The following LINC00305 variants were observed in gnomAD, a reference collection of about 807,000 sequenced individuals.
The protein encoded by LINC00305 is long independently transcribed non-coding RNA 305.
chr18:64,097,402 T>C (rs1368792529), intron 3 of LINC00305, among the ~76,000 whole-genome samples: 1 of 152,174 alleles, frequency 6.6e-6, no homozygotes, highest in Non-Finnish European at 1.5e-5. Context: ...AAGCAGCTTA[T>C]AATTACTACT....
chr18:64,114,447 T>G (rs2051329008), intron 1 of LINC00305, among the ~76,000 whole-genome samples: 1 of 152,158 alleles, frequency 6.6e-6, no homozygotes, highest in African/African-American at 2.4e-5. Flanking sequence ...GTCAGGAGGA[T>G]TCTGGTTTGA....
At chr18:64,136,346 A>C (rs1048583266) in intron 1 of LINC00305, among the ~76,000 whole-genome samples, 4 of 152,192 alleles carry the variant, frequency 2.6e-5, no homozygotes, top group African/African-American at 9.7e-5. Flanking sequence ...TATAAAGGAA[A>C]GAGGTTTAAT....
intron 1 of LINC00305, among the ~76,000 whole-genome samples, chr18:64,139,875 A>G (rs1165980718): frequency 1.3e-5 from 2 of 152,110 alleles, no homozygotes; most frequent in Admixed American, 6.5e-5. Context: ...CAATCTTCCA[A>G]TAGCAACCCG....
chr18:64,082,921 T>A (rs1197730924), intron 3 of LINC00305, among the ~76,000 whole-genome samples: 2 of 152,180 alleles, frequency 1.3e-5, no homozygotes, highest in Non-Finnish European at 2.9e-5. Context: ...TTGAAAAAAA[T>A]TCCATTTTAA....
At chr18:64,148,249 CTT>C (rs1193480031) in intron 1 of LINC00305, among the ~76,000 whole-genome samples, 1 of 152,064 alleles carries the variant, frequency 6.6e-6, no homozygotes, top group African/African-American at 2.4e-5. Context: ...CTCTCTCTCT[CTT>C]TCAAGCCTCA....
At chr18:64,134,260 A>G (rs2144271113) in intron 1 of LINC00305, among the ~76,000 whole-genome samples, 1 of 152,284 alleles carries the variant, frequency 6.6e-6, no homozygotes, top group Non-Finnish European at 1.5e-5. Context: ...GAAGTTGTCT[A>G]CAGCTGGTGA....
At chr18:64,131,527 T>C (rs2051409890) in intron 1 of LINC00305, among the ~76,000 whole-genome samples, 1 of 152,208 alleles carries the variant, frequency 6.6e-6, no homozygotes, top group African/African-American at 2.4e-5. Context: ...AAGTGCCTGC[T>C]TCTGTATTGT....
chr18:64,097,221 A>G (rs551276391), intron 3 of LINC00305, among the ~76,000 whole-genome samples: 1 of 152,206 alleles, frequency 6.6e-6, no homozygotes, highest in South Asian at 2.1e-4. Flanking sequence ...GCCATGAAAG[A>G]TGTATTTTTA....
intron 1 of LINC00305, among the ~76,000 whole-genome samples, chr18:64,139,967 T>A (rs2051453557): frequency 6.6e-6 from 1 of 152,116 alleles, no homozygotes; most frequent in Non-Finnish European, 1.5e-5. Flanking sequence ...TTGCCCTCTT[T>A]CATGCTGTTC....
chr18:64,115,946 C>T (rs969538035), intron 1 of LINC00305, among the ~76,000 whole-genome samples: 2 of 152,146 alleles, frequency 1.3e-5, no homozygotes, highest in Non-Finnish European at 1.5e-5. Context: ...AGTTGTAAAA[C>T]TGCCTCCTGT....
chr18:64,102,741 C>T (rs1568107396), intron 1 of LINC00305, among the ~76,000 whole-genome samples: 1 of 152,150 alleles, frequency 6.6e-6, no homozygotes, highest in Non-Finnish European at 1.5e-5. Flanking sequence ...GCAGGCTTGT[C>T]TTACATGGTC....
intron 1 of LINC00305, among the ~76,000 whole-genome samples, chr18:64,113,457 T>C (rs1439016044): frequency 6.6e-6 from 1 of 152,220 alleles, no homozygotes; most frequent in Non-Finnish European, 1.5e-5. Context: ...AGTTCAAAAT[T>C]TCTGCCCTCC....
intron 1 of LINC00305, among the ~76,000 whole-genome samples, chr18:64,101,226 A>T (rs2051266778): frequency 6.6e-6 from 1 of 152,110 alleles, no homozygotes; most frequent in Admixed American, 6.6e-5. Flanking sequence ...ATAATCATTA[A>T]CTCGGCATCG....
At position 64,114,340 on chromosome 18, in the gene LINC00305, C is replaced by T. The variant is rs201921320; in HGVS notation, n.315-15700G>A. On this transcript the variant is annotated intron_variant and non_coding_transcript_variant, in intron 1 of 3. Coordinates refer to ENST00000666468, the Ensembl canonical transcript of LINC00305. Reference sequence around the variant, plus strand: ...ATTTAGGAATGTCTTCTGAATTCTACTTTGGGGGAGGAGACGGGTGCCTCA... The same window carrying T: ...ATTTAGGAATGTCTTCTGAATTCTATTTTGGGGGAGGAGACGGGTGCCTCA... Among the ~76,000 whole-genome samples, 48 of 152,282 alleles carry T rather than the reference C, an allele frequency of 3.2e-4. 1 individual carries two copies. The East Asian group carries it at 8.5e-3, about 27-fold the overall frequency.
chr18:64,110,905 G>A (rs1042473133), intron 1 of LINC00305, among the ~76,000 whole-genome samples: 4 of 152,186 alleles, frequency 2.6e-5, no homozygotes, highest in African/African-American at 7.2e-5. Flanking sequence ...TGACCTCGCA[G>A]CAGGAAGTAT....
intron 1 of LINC00305, among the ~76,000 whole-genome samples, chr18:64,112,442 G>T (rs770718162): frequency 6.6e-6 from 1 of 151,450 alleles, no homozygotes; most frequent in Non-Finnish European, 1.5e-5. Flanking sequence ...TCATATTTCC[G>T]TTGGAAGAAA....
chr18:64,106,477 G>A (rs2051291274), intron 1 of LINC00305, among the ~76,000 whole-genome samples: 1 of 151,920 alleles, frequency 6.6e-6, no homozygotes, highest in South Asian at 2.1e-4. Context: ...AATGTTCGAA[G>A]ATGCCCTCTC....
At chr18:64,121,737 T>G (rs941462977) in intron 1 of LINC00305, among the ~76,000 whole-genome samples, 2 of 152,082 alleles carry the variant, frequency 1.3e-5, no homozygotes, top group African/African-American at 4.8e-5. Flanking sequence ...AGAATAGTAG[T>G]TCTGTTTTTA....
At chr18:64,081,749 T>C (rs1325399417) in intron 3 of LINC00305, among the ~76,000 whole-genome samples, 1 of 152,198 alleles carries the variant, frequency 6.6e-6, no homozygotes, top group Non-Finnish European at 1.5e-5. Context: ...GAAAATATTA[T>C]GTGAGATGAT....
Sources: gnomAD v4.1 joint callset for allele counts (sites outside exome capture counted in the v4.1 genomes callset) on GRCh38, gnomAD v4.1.1 for gene constraint, MANE v1.5 for transcripts, NCBI Gene and HGNC (gene_info 2026-07-23, HGNC 2026-07-21) for gene names.